The following DNPEP variants were observed in gnomAD, a reference collection of about 807,000 sequenced individuals.
The protein encoded by DNPEP is aspartyl aminopeptidase.
A neutral mutation model predicts 59.1 loss-of-function variants in DNPEP; 46 were observed. That is an observed-to-expected ratio of 0.78 (90% CI 0.61 to 0.99). DNPEP has a LOEUF of 0.99. DNPEP is among the 50% of genes least tolerant of loss of function. The probability of loss-of-function intolerance (pLI) is 0.00; values close to 1 mark genes in which losing one functional copy is unlikely to be tolerated. For missense variants in DNPEP, 617 were observed against 649.9 expected (o/e 0.95, Z 0.55); for synonymous variants, 229 against 242.2 (o/e 0.95, Z 0.50).
chr2:219,388,061 G>A, upstream of DNPEP: 1 of 545,092 alleles, frequency 1.8e-6, no homozygotes. Flanking sequence ...CACCCGCCTT[G>A]CCCCGCCCTT....
At chr2:219,388,210 G>T (rs1953939128), upstream of DNPEP, among the ~76,000 whole-genome samples, 1 of 140,428 alleles carries the variant, frequency 7.1e-6, no homozygotes. Context: ...CTCTCGCCAG[G>T]CTGCACCGCC....
intron 1 of DNPEP, among the ~76,000 whole-genome samples, chr2:219,394,997 C>T (rs1036566970): frequency 3.3e-5 from 5 of 151,970 alleles, no homozygotes; most frequent in African/African-American, 1.2e-4. Flanking sequence ...ACTCTGTTGC[C>T]CAGGCTGGAG....
intron 13 of DNPEP, among the ~76,000 whole-genome samples, chr2:219,380,842 T>TGTACACACACACACACACACAC (rs1553599756): frequency 1.4e-5 from 2 of 145,682 alleles, no homozygotes. Flanking sequence ...CATATATATG[T>TGTACACACACACACACACACAC]ACACACACAC....
upstream of DNPEP, chr2:219,388,774 C>T (rs1249752552): frequency 2.0e-6 from 2 of 985,402 alleles, no homozygotes; most frequent in Admixed American, 6.1e-5. Context: ...AGCAATAAGG[C>T]TAATGTCCAT....
upstream of DNPEP, among the ~76,000 whole-genome samples, chr2:219,389,717 C>CAGCTACT (rs1426262643): frequency 4.0e-5 from 6 of 150,786 alleles, no homozygotes; most frequent in East Asian, 1.2e-3. Flanking sequence ...GTAATCCCAG[C>CAGCTACT]AGCTACTTGG....
chr2:219,381,288 C>T (rs1457736681), intron 13 of DNPEP, 47 bp downstream of exon 13: 2 of 1,565,350 alleles, frequency 1.3e-6, no homozygotes, highest in Non-Finnish European at 8.8e-7. Context: ...TTTGTGCCCC[C>T]ACCAAGCTCC....
chr2:219,374,348 A>C lies in DNPEP; in HGVS notation c.1408-6T>G. 1.2e-6 allele frequency: 2 copies of C among 1,613,760 alleles called. No homozygotes were observed. Among genetic ancestry groups the C allele is most frequent in the Non-Finnish European group, 8.5e-7 (1 of 1,179,694 alleles). Reference sequence around the variant, plus strand: ...GGGAACAGCTCAAAGAAGCCCTATAATGGGAGGCAACATGGAGTTTGGAAT... The same window carrying C: ...GGGAACAGCTCAAAGAAGCCCTATACTGGGAGGCAACATGGAGTTTGGAAT... On this transcript the variant is annotated splice_polypyrimidine_tract_variant and splice_region_variant and intron_variant, in intron 14 of 14. Transcript: ENST00000273075.
chr2:219,380,842 T>TACACACACACACACACACAC (rs58867229), intron 13 of DNPEP, among the ~76,000 whole-genome samples: 57,021 of 145,500 alleles, frequency 0.39, 12,153 homozygotes, highest in Non-Finnish European at 0.47. Flanking sequence ...CATATATATG[T>TACACACACACACACACACAC]ACACACACAC....
At chr2:219,374,385 C>G in intron 14 of DNPEP, 43 bp from the exon 15 acceptor site, 1 of 1,575,844 alleles carries the variant, frequency 6.3e-7, no homozygotes, top group Non-Finnish European at 8.7e-7. Context: ...AGTGAGTGAC[C>G]AGATGGAGAT....
chr2:219,388,562 C>T (rs1013803963), upstream of DNPEP: 24 of 330,030 alleles, frequency 7.3e-5, no homozygotes, highest in Non-Finnish European at 7.8e-5. Context: ...CCGCCCTGCA[C>T]CCCCGTCACC....
chr2:219,382,032 G>C lies in DNPEP; in HGVS notation c.1044C>G (p.Pro348=). The part of the protein sequence containing the change: ...QHPTAFEEAI[P]KSFMISADMA... The stretch of plus-strand genomic sequence containing the variant: ...TGTCTGCGCTGATCATGAAGGACTT[G>C]GGTATGGCTTCCTCGAAGGCTGTCG... Residue 348 remains proline (P), a synonymous_variant, in exon 11 of 15, where the codon CCC becomes CCG. Coordinates refer to ENST00000273075, the MANE Select transcript of DNPEP (RefSeq NM_012100.4). The C allele has an allele frequency of 6.2e-7, 1 of 1,614,212 alleles. No individual in the cohort carries two copies. The highest frequency in any genetic ancestry group is 8.5e-7 in the Non-Finnish European group (1 of 1,180,056).
chr2:219,377,187 T>G (rs1953406465), intron 13 of DNPEP, among the ~76,000 whole-genome samples: 1 of 134,888 alleles, frequency 7.4e-6, no homozygotes, highest in South Asian at 2.3e-4. Context: ...GACAGAAGGA[T>G]CACTTGAACC....
chr2:219,373,279 G>C lies in DNPEP; in HGVS notation c.*1013C>G, dbSNP rs1953249640. ...GACAGGGTTTCTCCATGTTGGTCAG[G>C]CTGGTCTTGAACTCCCGACCTCAGG... is the stretch of plus-strand genomic sequence containing the variant. On this transcript the variant is annotated 3_prime_UTR_variant, in exon 15 of 15. Transcript: ENST00000273075. Among the ~76,000 whole-genome samples, 1 of 151,886 alleles carries C rather than the reference G, an allele frequency of 6.6e-6. No homozygotes were observed. Among genetic ancestry groups the C allele is most frequent in the Admixed American group, 6.6e-5 (1 of 15,224 alleles).
At chr2:219,380,278 C>T (rs567185003) in intron 13 of DNPEP, among the ~76,000 whole-genome samples, 13 of 149,586 alleles carry the variant, frequency 8.7e-5, no homozygotes, top group Non-Finnish European at 1.9e-4. Context: ...TGCAATGGCA[C>T]GATCTCGGCT....
intron 6 of DNPEP, 115 bp from the exon 7 acceptor site, chr2:219,385,821 C>T: frequency 2.1e-6 from 3 of 1,429,082 alleles, no homozygotes; most frequent in Non-Finnish European, 2.8e-6. Context: ...ATTCCCAGCC[C>T]ACTCCCCAAA....
At chr2:219,374,365 G>T (rs759921536) in intron 14 of DNPEP, 23 bp from the exon 15 acceptor site, 3 of 1,611,482 alleles carry the variant, frequency 1.9e-6, no homozygotes, top group East Asian at 2.2e-5. Context: ...GCAACATGGA[G>T]TTTGGAATTA....
upstream of DNPEP, chr2:219,388,885 A>C (rs1317839197): frequency 8.1e-6 from 8 of 985,200 alleles, no homozygotes; most frequent in Non-Finnish European, 9.6e-6. Context: ...TACTGTCCCC[A>C]GTTTATGCAT....
Position 219,385,477 on chromosome 2 carries a change from T to C in DNPEP, c.721A>G (p.Ser241Gly). ...TCCATCTCCACTATGTCCTTGGGGCTCAGCCCCAGATGGGCACAGAGCAGG... is the reference window on the plus strand; with the variant it reads ...TCCATCTCCACTATGTCCTTGGGGCCCAGCCCCAGATGGGCACAGAGCAGG... Reference protein sequence around the residue: ...MSLLCAHLGLSPKDIVEMELC... With the variant: ...MSLLCAHLGLGPKDIVEMELC... Residue 241 changes from serine to glycine, a missense_variant, in exon 8 of 15, where the codon AGC (serine) becomes GGC (glycine). Ser to Gly is a moderately conservative substitution (Grantham distance 56, BLOSUM62 0). Transcript: ENST00000273075. 1 of 1,608,414 alleles carries C rather than the reference T, an allele frequency of 6.2e-7. No individual in the cohort carries two copies. Among genetic ancestry groups the C allele is most frequent in the Non-Finnish European group, 8.5e-7 (1 of 1,175,240 alleles).
rs187450249 is a variant in DNPEP, at chr2:219,395,196, C to T, written c.-158+4744G>A. Among the ~76,000 whole-genome samples the T allele has an allele frequency of 3.9e-5, 6 of 152,330 alleles. No homozygotes were observed. The East Asian group carries it at 1.2e-3, about 29-fold the overall frequency. On this transcript the variant is annotated intron_variant, in intron 1 of 6. Coordinates refer to the DNPEP transcript ENST00000434339. ...CTCCTGACCTCAAGCAATCTGCCCT[C>T]CTCAGCCTCCCGAAGTGCTGGGATC...
Sources: allele counts gnomAD v4.1 joint callset (sites outside exome capture counted in the v4.1 genomes callset), GRCh38; gene constraint gnomAD v4.1.1; transcripts MANE v1.5; gene names NCBI Gene and HGNC (gene_info 2026-07-23, HGNC 2026-07-21).